PHIP: variants seen among roughly 807,000 people sequenced by gnomAD.
The protein encoded by PHIP is PHIP subunit of CUL4-Ring ligase complex, also known as PH-interacting protein.
A neutral mutation model predicts 236.8 loss-of-function variants in PHIP; 54 were observed. That is an observed-to-expected ratio of 0.23 (90% CI 0.18 to 0.29). The LOEUF is 0.29. Among genes scored for constraint, PHIP ranks in the 10% least tolerant of loss-of-function variants. PHIP has a pLI of 1.00. For synonymous variants in PHIP, 756 were observed against 718.9 expected (o/e 1.05, Z -0.83); for missense variants, 1,370 against 2,190.8 (o/e 0.63, Z 7.48).
At chr6:78,998,421 T>C (rs1769766561) in intron 17 of PHIP, 30 bp from the exon 18 acceptor site, 1 of 1,600,074 alleles carries the variant, frequency 6.2e-7, no homozygotes, top group Non-Finnish European at 8.6e-7. Context: ...ATATTACGAA[T>C]ATTTTAGCTA....
chr6:79,064,032 T>A (rs868617396), intron 4 of PHIP, among the ~76,000 whole-genome samples: 1 of 152,180 alleles, frequency 6.6e-6, no homozygotes, highest in Non-Finnish European at 1.5e-5. Flanking sequence ...GGAGAACCTT[T>A]TTTAAAGCTG....
At chr6:78,969,296 A>G (rs563632662) in intron 27 of PHIP, among the ~76,000 whole-genome samples, 1 of 152,324 alleles carries the variant, frequency 6.6e-6, no homozygotes, top group African/African-American at 2.4e-5. Context: ...TACACATCAT[A>G]CCATGACACA....
intron 7 of PHIP, among the ~76,000 whole-genome samples, chr6:79,027,240 T>C (rs1771451812): frequency 6.6e-6 from 1 of 152,162 alleles, no homozygotes. Flanking sequence ...TGTTAAATGC[T>C]GTATCTTAAA....
At chr6:79,055,458 G>A (rs1302484729) in intron 6 of PHIP, among the ~76,000 whole-genome samples, 4 of 152,146 alleles carry the variant, frequency 2.6e-5, no homozygotes, top group Admixed American at 2.0e-4. Flanking sequence ...GGAGGTAAGA[G>A]AAAGGACAAT....
At chr6:78,962,102 T>C (rs1364151999) in intron 30 of PHIP, among the ~76,000 whole-genome samples, 1 of 152,192 alleles carries the variant, frequency 6.6e-6, no homozygotes, top group East Asian at 1.9e-4. Context: ...ATTGCCGTAA[T>C]TGACAGTTGG....
At chr6:79,012,465 G>A (rs1284978365) in intron 15 of PHIP, among the ~76,000 whole-genome samples, 2 of 151,672 alleles carry the variant, frequency 1.3e-5, no homozygotes, top group African/African-American at 4.8e-5. Flanking sequence ...CAAAAAAGGA[G>A]TATTCCACCA....
In PHIP at chr6:79,007,626, T is replaced by G. The variant is rs551570326; in HGVS notation, c.1525-3768A>C. Among the ~76,000 whole-genome samples the G allele has an allele frequency of 8.6e-5, 13 of 150,444 alleles. No homozygotes were observed. In the East Asian group the frequency reaches 2.0e-3, roughly 23 times the overall value. On this transcript the variant is annotated intron_variant, in intron 15 of 39. Transcript: ENST00000275034. ...CATCCTCTTCTAGAGTTATTTCAATTCTATTAGCAGGGTCAGTATGTCTTG... is the reference window on the plus strand; with the variant it reads ...CATCCTCTTCTAGAGTTATTTCAATGCTATTAGCAGGGTCAGTATGTCTTG...
intron 4 of PHIP, among the ~76,000 whole-genome samples, chr6:79,072,903 A>C (rs1773957124): frequency 6.6e-6 from 1 of 152,198 alleles, no homozygotes; most frequent in African/African-American, 2.4e-5. Context: ...AACAACCTTT[A>C]CTACCACTAC....
chr6:79,060,459 G>C lies in PHIP; in HGVS notation c.439+19C>G. The C allele has an allele frequency of 6.4e-7, 1 of 1,568,284 alleles. No individual in the cohort carries two copies. The highest frequency in any genetic ancestry group is 1.4e-5 in the African/African-American group (1 of 73,630). ...TTTACCAAGAGGCTATTAACTACTA[G>C]TGAACTCAAACAACTCACCAATGCT... is the stretch of plus-strand genomic sequence containing the variant. On this transcript the variant is annotated intron_variant, in intron 6 of 39. Coordinates refer to ENST00000275034, the MANE Select transcript of PHIP (RefSeq NM_017934.7).
intron 4 of PHIP, among the ~76,000 whole-genome samples, chr6:79,069,778 AAATT>A (rs1208094367): frequency 3.9e-5 from 6 of 151,942 alleles, no homozygotes; most frequent in African/African-American, 1.4e-4. Flanking sequence ...AATTATAATA[AAATT>A]AATATAGAAC....
chr6:79,020,448 A>G (rs1014539391), intron 9 of PHIP, among the ~76,000 whole-genome samples: 2 of 152,202 alleles, frequency 1.3e-5, no homozygotes, highest in Non-Finnish European at 2.9e-5. Context: ...ATTTATTCAG[A>G]GCAAAATTAA....
At chr6:79,050,929 A>G (rs1386393952) in intron 6 of PHIP, among the ~76,000 whole-genome samples, 1 of 152,218 alleles carries the variant, frequency 6.6e-6, no homozygotes, top group Non-Finnish European at 1.5e-5. Flanking sequence ...AGATAATACT[A>G]CAAAGCAGGC....
At position 79,025,614 on chromosome 6, in the gene PHIP, T is replaced by A. The variant is rs1253103490; in HGVS notation, c.828A>T (p.Ser276=). The A allele has an allele frequency of 1.9e-6, 3 of 1,590,372 alleles. No individual in the cohort carries two copies. Among genetic ancestry groups the A allele is most frequent in the African/African-American group, 1.3e-5 (1 of 74,260 alleles). Residue 276 remains serine (S), a synonymous_variant, in exon 9 of 40, where the codon TCA becomes TCT. Transcript: ENST00000275034. ...ATCTCTTTGAGCCACTGCACAATGG[T>A]GAGAACTGAAAAGACAATCACAGAA... ...HSASITSLQF[S]PLCSGSKRYL...
Position 78,988,257 on chromosome 6 carries a change from C to T in PHIP, c.2412G>A (p.Glu804=). 1 of 1,608,640 alleles carries T rather than the reference C, an allele frequency of 6.2e-7. No homozygotes were observed. The highest frequency in any genetic ancestry group is 8.5e-7 in the Non-Finnish European group (1 of 1,176,340). Residue 804 remains glutamate (E), a synonymous_variant, in exon 21 of 40, where the codon GAG becomes GAA. Coordinates refer to ENST00000275034, the MANE Select transcript of PHIP (RefSeq NM_017934.7). The part of the protein sequence containing the change: ...HNYRTRSALE[E]TPRPSEEIEN... ...CTATCTCTTCTGAGGGTCTAGGAGT[C>T]TCTTCCAATGCAGATCTTGTACGAT...
At chr6:79,042,729 T>A in intron 7 of PHIP, 114 bp downstream of exon 7, 1 of 671,244 alleles carries the variant, frequency 1.5e-6, no homozygotes, top group South Asian at 2.5e-5. Flanking sequence ...ACCACCTGAA[T>A]TTCCGGTTTC....
chr6:78,944,071 T>C (rs566345103), intron 39 of PHIP, among the ~76,000 whole-genome samples: 1 of 149,724 alleles, frequency 6.7e-6, no homozygotes, highest in East Asian at 2.0e-4. Context: ...GAAGACGATA[T>C]TTTAAGTGAG....
intron 27 of PHIP, among the ~76,000 whole-genome samples, chr6:78,967,195 TAA>T (rs1347628386): frequency 6.6e-6 from 1 of 152,048 alleles, no homozygotes; most frequent in Admixed American, 6.5e-5. Context: ...AAGAATATGA[TAA>T]AAAAGAAAAT....
rs112818610 is a variant in PHIP at position 79,065,357 on chromosome 6, G to T, written c.190-4539C>A. Among the ~76,000 whole-genome samples the T allele has an allele frequency of 1.4e-3, 220 of 152,210 alleles. 3 individuals carry two copies. The highest frequency in any genetic ancestry group is 5.0e-3 in the African/African-American group (209 of 41,530). ...TCTATCAGCCCAGAAATGCATGTAT[G>T]GTCACTTCTTATTTTTCTAGCTTCA... On this transcript the variant is annotated intron_variant, in intron 4 of 39. Coordinates refer to ENST00000275034, the MANE Select transcript of PHIP (RefSeq NM_017934.7).
intron 35 of PHIP, among the ~76,000 whole-genome samples, chr6:78,952,856 T>A (rs913476838): frequency 1.9e-4 from 29 of 152,236 alleles, no homozygotes; most frequent in African/African-American, 7.0e-4. Flanking sequence ...CTCAACAGCA[T>A]TTCTTTTTTC....
Sources: gnomAD v4.1 joint callset for allele counts (sites outside exome capture counted in the v4.1 genomes callset) on GRCh38, gnomAD v4.1.1 for gene constraint, MANE v1.5 for transcripts, NCBI Gene and HGNC (gene_info 2026-07-23, HGNC 2026-07-21) for gene names.